The following DNM3 variants were observed in gnomAD, a reference collection of about 807,000 sequenced individuals.
The protein encoded by DNM3 is dynamin 3, also known as dynamin-3.
DNM3 carries 47 observed loss-of-function variants against 101.6 expected under a neutral mutation model. The observed-to-expected ratio is 0.46, with a 90% CI of 0.37 to 0.59. The LOEUF (loss-of-function observed/expected upper bound fraction) is 0.59, where lower values mean the gene tolerates loss of function less well. DNM3 is among the 20% of genes least tolerant of loss of function. The pLI is 0.00. For missense variants in DNM3, 849 were observed against 1,085.7 expected (o/e 0.78, Z 3.06); for synonymous variants, 385 against 387.9 (o/e 0.99, Z 0.09).
intron 2 of DNM3, among the ~76,000 whole-genome samples, chr1:171,943,659 A>G (rs763519307): frequency 1.3e-5 from 2 of 152,130 alleles, no homozygotes; most frequent in Admixed American, 6.6e-5. Flanking sequence ...ATTTTTCTGG[A>G]CCAAACCAAT....
At chr1:172,224,473 G>A (rs1432473716) in intron 14 of DNM3, among the ~76,000 whole-genome samples, 1 of 151,976 alleles carries the variant, frequency 6.6e-6, no homozygotes, top group Non-Finnish European at 1.5e-5. Flanking sequence ...GGAAGAAAGA[G>A]GATTAAGCTG....
chr1:171,921,636 G>A (rs937488801), intron 1 of DNM3, 112 bp from the exon 2 acceptor site: 14 of 816,542 alleles, frequency 1.7e-5, no homozygotes, highest in African/African-American at 6.8e-5. Context: ...GTTTGGATAA[G>A]CGATACATTG....
At chr1:172,093,572 G>T in intron 13 of DNM3, 1 of 726,060 alleles carries the variant, frequency 1.4e-6, no homozygotes, top group Non-Finnish European at 2.1e-6. Flanking sequence ...TACAATTATT[G>T]AACAAATTGA....
intron 14 of DNM3, among the ~76,000 whole-genome samples, chr1:172,183,215 G>A (rs193092282): frequency 3.4e-4 from 51 of 152,112 alleles, no homozygotes; most frequent in African/African-American, 1.2e-3. Context: ...TCTCCATATC[G>A]TCTCCACATA....
chr1:172,301,293 G>C (rs569548967), intron 15 of DNM3, among the ~76,000 whole-genome samples: 21 of 152,178 alleles, frequency 1.4e-4, no homozygotes, highest in Non-Finnish European at 2.8e-4. Context: ...CTTGAGCCCA[G>C]GAGTTCATGA....
chr1:171,987,423 A>G (rs1025330823), intron 2 of DNM3: 1 of 714,674 alleles, frequency 1.4e-6, no homozygotes. Flanking sequence ...GACTGGTTTT[A>G]GTATTTAATT....
At chr1:172,145,500 C>A (rs1251182635) in intron 14 of DNM3, among the ~76,000 whole-genome samples, 2 of 151,972 alleles carry the variant, frequency 1.3e-5, no homozygotes, top group East Asian at 3.9e-4. Flanking sequence ...GTAATTATAG[C>A]AACTTCCTGA....
Position 171,841,519 on chromosome 1 carries a change from G to A in DNM3, c.-138G>A. On this transcript the variant is annotated 5_prime_UTR_variant, in exon 1 of 21. Coordinates refer to ENST00000627582, the MANE Select transcript of DNM3 (RefSeq NM_015569.5). ...TGTCAGAGCCAAGCGGCGGGCTGGC[G>A]GCGGGCTCCGACGTCTGCGCCAGGA... is the stretch of plus-strand genomic sequence containing the variant. 8.1e-7 allele frequency: 1 copy of A among 1,235,798 alleles called. No homozygotes were observed. Among genetic ancestry groups the A allele is most frequent in the Non-Finnish European group, 1.1e-6 (1 of 933,360 alleles). 76.6% of individuals were successfully genotyped at this position (1,235,798 alleles called of 1,614,324 possible).
intron 14 of DNM3, among the ~76,000 whole-genome samples, chr1:172,190,132 G>T (rs951145434): frequency 6.6e-6 from 1 of 151,234 alleles, no homozygotes; most frequent in Non-Finnish European, 1.5e-5. Context: ...TTTAAATTAG[G>T]TATATCTCCT....
intron 10 of DNM3, among the ~76,000 whole-genome samples, chr1:172,056,629 G>C (rs1401184050): frequency 6.6e-6 from 1 of 151,804 alleles, no homozygotes; most frequent in Non-Finnish European, 1.5e-5. Context: ...TGCAGCTGAG[G>C]GTCCTGTCTG....
At chr1:171,955,561 C>T (rs143400739) in intron 2 of DNM3, among the ~76,000 whole-genome samples, 2 of 152,270 alleles carry the variant, frequency 1.3e-5, no homozygotes, top group African/African-American at 4.8e-5. Context: ...TATCTTTATA[C>T]ATATCCACAC....
chr1:172,257,509 T>C (rs1335592243), intron 15 of DNM3, among the ~76,000 whole-genome samples: 1 of 152,104 alleles, frequency 6.6e-6, no homozygotes, highest in Admixed American at 6.6e-5. Context: ...TTCCTAATAA[T>C]GCACTTTGCC....
intron 10 of DNM3, among the ~76,000 whole-genome samples, chr1:172,058,180 C>T (rs1572304785): frequency 2.0e-5 from 3 of 150,264 alleles, no homozygotes; most frequent in East Asian, 2.0e-4. Flanking sequence ...TACAGGAGCA[C>T]CCAGATTCAT....
chr1:172,133,222 T>C, intron 14 of DNM3: 1 of 1,154,930 alleles, frequency 8.7e-7, no homozygotes, highest in Non-Finnish European at 1.1e-6. Flanking sequence ...TATAGGATGC[T>C]CTCTGTAGGG....
Position 171,973,560 on chromosome 1 carries a change from AAG to A in DNM3, c.236-14092_236-14091del, listed in dbSNP as rs139889760. On this transcript the variant is annotated intron_variant, in intron 2 of 20. Transcript: ENST00000627582. ...CTCTTGCCCTCACTGAAACCTATGA[AAG>A]AGACACTATTTTGCAGTGGAGGGAA... Among the ~76,000 whole-genome samples the A allele has an allele frequency of 8.9e-3, 1,358 of 152,262 alleles. 26 individuals are homozygous for A. The highest frequency in any genetic ancestry group is 0.031 in the African/African-American group (1,287 of 41,526).
At chr1:171,960,874 G>A (rs1382993041) in intron 2 of DNM3, among the ~76,000 whole-genome samples, 2 of 152,134 alleles carry the variant, frequency 1.3e-5, no homozygotes, top group Non-Finnish European at 2.9e-5. Context: ...AAGTAAGGAA[G>A]TGCATCCTTG....
intron 1 of DNM3, among the ~76,000 whole-genome samples, chr1:171,909,687 G>A (rs1257906046): frequency 6.6e-6 from 1 of 152,052 alleles, no homozygotes; most frequent in Non-Finnish European, 1.5e-5. Context: ...ATTTTTGTAT[G>A]TAGTTTGTGC....
rs760850940 is a variant in DNM3, at chr1:172,033,172, G to T, written c.756G>T (p.Met252Ile). The T allele has an allele frequency of 6.2e-7, 1 of 1,611,464 alleles. No homozygotes were observed. Among genetic ancestry groups the T allele is most frequent in the Non-Finnish European group, 8.5e-7 (1 of 1,178,904 alleles). The change falls in exon 6 of 21, where the codon ATG becomes ATT. Residue 252 changes from methionine to isoleucine, a missense_variant. Physicochemically the swap from Met to Ile is conservative, Grantham distance 10 (BLOSUM62 1). Transcript: ENST00000627582. ...IDGKKDIKAA[M>I]LAERKFFLSH... ...GGAAGAAGGACATAAAGGCAGCCAT[G>T]CTGGCAGAGAGGAAGTTTTTCCTTT...
At chr1:172,281,385 C>A (rs1459924604) in intron 15 of DNM3, among the ~76,000 whole-genome samples, 4 of 152,060 alleles carry the variant, frequency 2.6e-5, no homozygotes, top group Non-Finnish European at 4.4e-5. Context: ...ATCACAATGG[C>A]AATCTCAAGA....
Sources: gnomAD v4.1 joint callset for allele counts (sites outside exome capture counted in the v4.1 genomes callset) on GRCh38, gnomAD v4.1.1 for gene constraint, MANE v1.5 for transcripts, NCBI Gene and HGNC (gene_info 2026-07-23, HGNC 2026-07-21) for gene names.